Variants in LRP1B observed in about 807,000 individuals in gnomAD.
LRP1B encodes the protein low-density lipoprotein receptor-related protein 1B.
A neutral mutation model predicts 556.6 loss-of-function variants in LRP1B; 217 were observed. The ratio of observed to expected loss-of-function variants is 0.39; its 90% CI spans 0.35 to 0.44. LRP1B has a LOEUF of 0.44. LRP1B is among the 20% of genes least tolerant of loss of function. The pLI is 1.00. For synonymous variants in LRP1B, 2,047 were observed against 1,865.8 expected (o/e 1.10, Z -2.50); for missense variants, 5,053 against 5,620.8 (o/e 0.90, Z 3.23).
intron 1 of LRP1B, among the ~76,000 whole-genome samples, chr2:141,937,250 G>T (rs191782246): frequency 5.9e-5 from 9 of 151,790 alleles, no homozygotes; most frequent in Admixed American, 5.3e-4. Flanking sequence ...GGTGGTGGGC[G>T]CCTGTAGTCC....
At position 140,704,210 on chromosome 2, in the gene LRP1B, A is replaced by G. The variant is rs569846566; in HGVS notation, c.6024-1657T>C. Among the ~76,000 whole-genome samples, 3 of 152,308 alleles carry G rather than the reference A, an allele frequency of 2.0e-5. No individual in the cohort carries two copies. In the East Asian group the frequency reaches 5.8e-4, roughly 29 times the overall value. On this transcript the variant is annotated intron_variant, in intron 37 of 90. Transcript: ENST00000389484. ...CACGTAAGAATCAGTGAGACTGCATACAGAAAAATTAAAGACTTATATTTT... is the reference window on the plus strand; with the variant it reads ...CACGTAAGAATCAGTGAGACTGCATGCAGAAAAATTAAAGACTTATATTTT...
chr2:140,247,537 A>G (rs1681220098), intron 86 of LRP1B, among the ~76,000 whole-genome samples: 1 of 151,592 alleles, frequency 6.6e-6, no homozygotes, highest in Non-Finnish European at 1.5e-5. Context: ...ATCCTTCTGT[A>G]AGTATCTGTG....
chr2:141,810,165 G>GAAAGAAAGAA, intron 2 of LRP1B, 114 bp downstream of exon 2: 2 of 365,398 alleles, frequency 5.5e-6, no homozygotes, highest in South Asian at 1.4e-4. Flanking sequence ...AAGAAAGAAA[G>GAAAGAAAGAA]AAGGAAAGAA....
chr2:141,537,550 A>G (rs1438768029), intron 2 of LRP1B, among the ~76,000 whole-genome samples: 1 of 152,192 alleles, frequency 6.6e-6, no homozygotes, highest in Non-Finnish European at 1.5e-5. Flanking sequence ...TCAATTTCAC[A>G]TAAAACTGTG....
At chr2:141,018,165 T>C (rs1162380958) in intron 12 of LRP1B, among the ~76,000 whole-genome samples, 1 of 152,072 alleles carries the variant, frequency 6.6e-6, no homozygotes, top group Non-Finnish European at 1.5e-5. Context: ...AAACATAGGT[T>C]AATCTGGCCT....
intron 1 of LRP1B, among the ~76,000 whole-genome samples, chr2:141,918,331 G>A (rs1700092835): frequency 6.6e-6 from 1 of 151,960 alleles, no homozygotes; most frequent in Non-Finnish European, 1.5e-5. Context: ...CAAATATACT[G>A]TGCACGGTTG....
chr2:140,991,935 A>G (rs1310767504), intron 16 of LRP1B, among the ~76,000 whole-genome samples: 2 of 152,136 alleles, frequency 1.3e-5, no homozygotes, highest in African/African-American at 2.4e-5. Context: ...GAAGTATTGT[A>G]TATGTGAGTC....
At chr2:141,480,014 T>C (rs933387480) in intron 3 of LRP1B, among the ~76,000 whole-genome samples, 1 of 152,202 alleles carries the variant, frequency 6.6e-6, no homozygotes, top group African/African-American at 2.4e-5. Flanking sequence ...AATTCTTTGT[T>C]TAAGCAGAGG....
chr2:141,157,372 A>G (rs1335966318), intron 7 of LRP1B, among the ~76,000 whole-genome samples: 1 of 152,112 alleles, frequency 6.6e-6, no homozygotes, highest in African/African-American at 2.4e-5. Context: ...TATATATAGA[A>G]AACATGAATA....
chr2:141,491,402 C>CT (rs1553520959), intron 2 of LRP1B, among the ~76,000 whole-genome samples: 1 of 152,074 alleles, frequency 6.6e-6, no homozygotes, highest in Non-Finnish European at 1.5e-5. Flanking sequence ...TCACTTGTAT[C>CT]TTTTTTCAGA....
At chr2:140,906,017 T>C (rs1694242706) in intron 22 of LRP1B, among the ~76,000 whole-genome samples, 1 of 152,196 alleles carries the variant, frequency 6.6e-6, no homozygotes, top group Admixed American at 6.5e-5. Context: ...TTTCCTTATA[T>C]ACATTGCTAT....
chr2:140,478,293 G>A (rs1688060175), intron 59 of LRP1B, among the ~76,000 whole-genome samples: 1 of 151,764 alleles, frequency 6.6e-6, no homozygotes, highest in African/African-American at 2.4e-5. Flanking sequence ...GGGACTACAG[G>A]GGCCCGCCAC....
chr2:141,851,575 G>C (rs994665403), intron 1 of LRP1B, among the ~76,000 whole-genome samples: 3 of 151,738 alleles, frequency 2.0e-5, no homozygotes, highest in African/African-American at 4.8e-5. Flanking sequence ...CATAAAATTA[G>C]ATTTCCCAGG....
At chr2:141,008,045 G>A (rs1182122950) in intron 14 of LRP1B, among the ~76,000 whole-genome samples, 1 of 151,276 alleles carries the variant, frequency 6.6e-6, no homozygotes, top group Non-Finnish European at 1.5e-5. Flanking sequence ...TCATTAATAT[G>A]TTCCAGATAG....
intron 5 of LRP1B, among the ~76,000 whole-genome samples, chr2:141,233,103 T>G (rs2105302090): frequency 6.6e-6 from 1 of 152,324 alleles, no homozygotes; most frequent in South Asian, 2.1e-4. Flanking sequence ...GTTGTCATCC[T>G]TAGTCAATGG....
At chr2:141,901,827 C>T (rs1699626707) in intron 1 of LRP1B, among the ~76,000 whole-genome samples, 2 of 151,774 alleles carry the variant, frequency 1.3e-5, no homozygotes, top group African/African-American at 4.8e-5. Flanking sequence ...AACAGTGCAA[C>T]ATAATAATTA....
chr2:140,639,607 T>C (rs937006551), intron 41 of LRP1B, among the ~76,000 whole-genome samples: 1 of 152,226 alleles, frequency 6.6e-6, no homozygotes, highest in Non-Finnish European at 1.5e-5. Context: ...GCTTGAGCTA[T>C]GCTAGGTCTA....
intron 2 of LRP1B, among the ~76,000 whole-genome samples, chr2:141,622,425 C>T (rs1193784972): frequency 6.6e-6 from 1 of 152,088 alleles, no homozygotes; most frequent in Non-Finnish European, 1.5e-5. Context: ...ATGTGACTTT[C>T]ATGTCAATTA....
chr2:140,414,358 AG>A (rs1685089652), intron 66 of LRP1B, among the ~76,000 whole-genome samples: 2 of 152,178 alleles, frequency 1.3e-5, no homozygotes, highest in African/African-American at 4.8e-5. Context: ...TCTCTGATCT[AG>A]GGCCTCACAT....
Sources: gnomAD v4.1 joint callset for allele counts (sites outside exome capture counted in the v4.1 genomes callset) on GRCh38, gnomAD v4.1.1 for gene constraint, MANE v1.5 for transcripts, NCBI Gene and HGNC (gene_info 2026-07-23, HGNC 2026-07-21) for gene names.